Variants in SLFN12L observed in about 807,000 individuals in gnomAD.
SLFN12L encodes schlafen family member 12 like.
In SLFN12L, 34 loss-of-function variants were observed where a neutral mutation model predicts 34.8. The ratio of observed to expected loss-of-function variants is 0.98; its 90% CI spans 0.74 to 1.30. The LOEUF is 1.30. Among genes scored for constraint, SLFN12L ranks in the 50% most tolerant of loss-of-function variants. The pLI, the probability that SLFN12L is intolerant of heterozygous loss-of-function variation, is 0.00. For synonymous variants in SLFN12L, 259 were observed against 247.5 expected, an observed-to-expected ratio of 1.05 and a Z score of -0.44; for missense variants, 703 against 696.2, an observed-to-expected ratio of 1.01 and a Z score of -0.11.
chr17:35,531,559 G>A (rs947270885), intron 1 of SLFN12L, among the ~76,000 whole-genome samples: 1 of 151,920 alleles, frequency 6.6e-6, no homozygotes, highest in African/African-American at 2.4e-5. Context: ...GCATGCCATT[G>A]GTTTCCATGG....
chr17:35,530,519 AAAGAAAAGAAAAG>A (rs983523255), intron 1 of SLFN12L, among the ~76,000 whole-genome samples: 1 of 35,776 alleles, frequency 2.8e-5, no homozygotes, highest in African/African-American at 1.2e-4. Context: ...AAAGAAAAGA[AAAGAAAAGAAAAG>A]AAAAGAAAAG....
At chr17:35,509,114 G>T (rs986825656) in intron 2 of SLFN12L, among the ~76,000 whole-genome samples, 2 of 152,190 alleles carry the variant, frequency 1.3e-5, no homozygotes, top group Non-Finnish European at 2.9e-5. Flanking sequence ...GTGATGTGAT[G>T]ACAGTGTCTT....
In SLFN12L at chr17:35,467,398, G is replaced by A. The variant is rs1037768983; in HGVS notation, c.*7525C>T. 1.3e-5 allele frequency among the ~76,000 whole-genome samples: 2 copies of A among 152,160 alleles called. No homozygotes were observed. Among genetic ancestry groups the A allele is most frequent in the African/African-American group, 2.4e-5 (1 of 41,446 alleles). ...TTTCCTCTTAGATACCCAAAATCAC[G>A]TGTCTATGTATATTAAGGCCACCAT... On this transcript the variant is annotated 3_prime_UTR_variant, in exon 5 of 5. Transcript: ENST00000628453.
chr17:35,497,127 A>G (rs534643541), intron 2 of SLFN12L, among the ~76,000 whole-genome samples: 2 of 152,224 alleles, frequency 1.3e-5, no homozygotes, highest in Non-Finnish European at 2.9e-5. Context: ...GCAGTGGCTC[A>G]CGCCTGTAAT....
chr17:35,491,084 A>C, intron 2 of SLFN12L: 1 of 779,296 alleles, frequency 1.3e-6, no homozygotes, highest in Middle Eastern at 2.3e-4. Context: ...ACCATTTGTG[A>C]ACTTACTGCC....
rs758551005 is a variant in SLFN12L, at chr17:35,479,311, G to A, written c.971C>T (p.Thr324Met). Reference protein sequence around the residue: ...PVHHFCVEKGTINYLCKFLGV... With the variant: ...PVHHFCVEKGMINYLCKFLGV... ...AAGGAATTTGCATAAGTAATTTATC[G>A]TCCCCTTCTCCACACAGAAGTGATG... Residue 324 changes from threonine to methionine, a missense_variant, in exon 3 of 5, where the codon ACG becomes ATG. Transcript: ENST00000628453. 19 of 1,586,146 alleles carry A rather than the reference G, an allele frequency of 1.2e-5. No homozygotes were observed. The South Asian group carries it at 1.2e-4, about 10-fold the overall frequency.
chr17:35,502,069 C>G (rs548270560), intron 2 of SLFN12L, among the ~76,000 whole-genome samples: 1 of 150,632 alleles, frequency 6.6e-6, no homozygotes, highest in Non-Finnish European at 1.5e-5. Flanking sequence ...GAGAGAGAGA[C>G]AGAAAGTCAA....
In SLFN12L at chr17:35,474,861, G is replaced by A. The variant is rs937192323; in HGVS notation, c.*62C>T. On this transcript the variant is annotated 3_prime_UTR_variant, in exon 5 of 5. Coordinates refer to ENST00000628453, the MANE Select transcript of SLFN12L (RefSeq NM_001363830.2). ...GCAGGGAATTGCTTGAACCCAGGAGGCAGAGGTTGCAGTGAGTCGAGATCG... is the reference window on the plus strand; with the variant it reads ...GCAGGGAATTGCTTGAACCCAGGAGACAGAGGTTGCAGTGAGTCGAGATCG... 60 of 1,452,154 alleles carry A rather than the reference G, an allele frequency of 4.1e-5. No homozygotes were observed. In the East Asian group the frequency reaches 1.4e-3, roughly 35 times the overall value. 90.0% of individuals were successfully genotyped at this position (1,452,154 alleles called of 1,614,324 possible).
chr17:35,490,637 T>C lies in SLFN12L; in HGVS notation c.87-10442A>G, dbSNP rs1673514641. On this transcript the variant is annotated intron_variant, in intron 2 of 4. Coordinates refer to ENST00000628453, the MANE Select transcript of SLFN12L (RefSeq NM_001363830.2). The stretch of plus-strand genomic sequence containing the variant: ...AAGCTCACTCAGGAAGAGAAGAAAT[T>C]AGATGAACTGATCCCAAGCTGCACG... 4 of 888,638 alleles carry C rather than the reference T, an allele frequency of 4.5e-6. No individual in the cohort carries two copies. The Admixed American group carries it at 7.0e-5, about 16-fold the overall frequency. The allele number at this position is 888,638 out of a possible 1,614,324, so 55.0% of individuals were successfully genotyped here. A position where few individuals can be genotyped will look rare whatever the true frequency, so the allele number is the denominator to read the frequency against.
rs79578462 is a variant in SLFN12L at position 35,537,369 on chromosome 17, T to A, written c.-606+204A>T. ...AGGTGAGTACAGTCTAAGGACCAGC[T>A]CCTCTCATTGTCTATTTCACTTATT... On this transcript the variant is annotated intron_variant, in intron 1 of 4. Coordinates refer to ENST00000628453, the MANE Select transcript of SLFN12L (RefSeq NM_001363830.2). 0.011 allele frequency among the ~76,000 whole-genome samples: 1,626 copies of A among 152,266 alleles called. 82 individuals carry two copies. The East Asian group carries it at 0.18, about 17-fold the overall frequency.
intron 2 of SLFN12L, among the ~76,000 whole-genome samples, chr17:35,511,584 T>TACATACAC (rs1555544101): frequency 6.7e-6 from 1 of 148,428 alleles, no homozygotes; most frequent in African/African-American, 2.5e-5. Context: ...CACACACACA[T>TACATACAC]ACACACACAC....
At chr17:35,535,586 A>G (rs1257189494) in intron 1 of SLFN12L, among the ~76,000 whole-genome samples, 1 of 151,654 alleles carries the variant, frequency 6.6e-6, no homozygotes, top group Non-Finnish European at 1.5e-5. Flanking sequence ...ACCCGAACTC[A>G]AGCAGTCCTC....
chr17:35,531,050 T>C (rs1044175966), intron 1 of SLFN12L, among the ~76,000 whole-genome samples: 1 of 151,996 alleles, frequency 6.6e-6, no homozygotes, highest in African/African-American at 2.4e-5. Flanking sequence ...AAGATAAAAG[T>C]AGAGTGAATT....
intron 2 of SLFN12L, among the ~76,000 whole-genome samples, chr17:35,503,195 A>G (rs1426972682): frequency 2.6e-5 from 4 of 152,232 alleles, no homozygotes; most frequent in Non-Finnish European, 4.4e-5. Flanking sequence ...GGTTAAAAAA[A>G]TGTTTTAAAG....
At chr17:35,489,930 G>A in intron 2 of SLFN12L, 1 of 1,196,908 alleles carries the variant, frequency 8.4e-7, no homozygotes, top group Non-Finnish European at 1.2e-6. Flanking sequence ...TGCTCCAAGT[G>A]GGACAAAAAT....
At chr17:35,502,287 TA>T (rs1452651175) in intron 2 of SLFN12L, among the ~76,000 whole-genome samples, 2 of 152,126 alleles carry the variant, frequency 1.3e-5, no homozygotes, top group African/African-American at 4.8e-5. Flanking sequence ...CTTAGCCCTG[TA>T]ACCTATGGAT....
At chr17:35,517,712 T>A (rs1915875447) in intron 2 of SLFN12L, among the ~76,000 whole-genome samples, 2 of 152,044 alleles carry the variant, frequency 1.3e-5, no homozygotes. Context: ...CATCAACCAA[T>A]GAAACAGAAC....
intron 1 of SLFN12L, among the ~76,000 whole-genome samples, chr17:35,530,441 G>GAAGAAAGAAAGAAAGA (rs1289016983): frequency 1.2e-4 from 2 of 16,838 alleles, no homozygotes; most frequent in South Asian, 3.0e-3. Flanking sequence ...GAAGGGAAGG[G>GAAGAAAGAAAGAAAGA]AAGAAAGAAA....
intron 2 of SLFN12L, among the ~76,000 whole-genome samples, chr17:35,519,430 G>C (rs781432852): frequency 6.6e-6 from 1 of 152,150 alleles, no homozygotes; most frequent in Non-Finnish European, 1.5e-5. Context: ...ATGTAATATT[G>C]AAATATAACC....
Sources: gnomAD v4.1 joint callset for allele counts (sites outside exome capture counted in the v4.1 genomes callset) on GRCh38, gnomAD v4.1.1 for gene constraint, MANE v1.5 for transcripts, NCBI Gene and HGNC (gene_info 2026-07-23, HGNC 2026-07-21) for gene names.